The following CNOT4 variants were observed in gnomAD, a reference collection of about 807,000 sequenced individuals.
CNOT4 encodes the protein CCR4-associated factor 4.
In CNOT4, 8 loss-of-function variants were observed where a neutral mutation model predicts 73.8. That is an observed-to-expected ratio of 0.11 (90% CI 0.06 to 0.20). The LOEUF is 0.20. Among genes scored for constraint, CNOT4 ranks in the 10% least tolerant of loss-of-function variants. The pLI, the probability that CNOT4 is intolerant of heterozygous loss-of-function variation, is 1.00. For synonymous variants in CNOT4, 293 were observed against 321.1 expected, an observed-to-expected ratio of 0.91 and a Z score of 0.94; for missense variants, 564 against 883.4, an observed-to-expected ratio of 0.64 and a Z score of 4.58.
intron 1 of CNOT4, among the ~76,000 whole-genome samples, chr7:135,472,994 T>C (rs928579023): frequency 2.0e-5 from 3 of 151,660 alleles, no homozygotes; most frequent in African/African-American, 7.3e-5. Context: ...TGCGTTATGA[T>C]CATGCCACTA....
At chr7:135,422,383 G>A (rs377004665) in intron 2 of CNOT4, 30 bp from the exon 3 acceptor site, 32 of 1,015,042 alleles carry the variant, frequency 3.2e-5, no homozygotes, top group East Asian at 1.2e-4. Flanking sequence ...ATAGACGTTA[G>A]CATTAAATTA....
At chr7:135,400,359 G>A (rs1326689803) in intron 7 of CNOT4, among the ~76,000 whole-genome samples, 2 of 151,988 alleles carry the variant, frequency 1.3e-5, no homozygotes, top group East Asian at 1.9e-4. Flanking sequence ...GCGATAATCC[G>A]AGATAAACTT....
intron 3 of CNOT4, among the ~76,000 whole-genome samples, chr7:135,418,916 C>A (rs887567379): frequency 2.0e-4 from 30 of 152,282 alleles, no homozygotes; most frequent in African/African-American, 7.0e-4. Flanking sequence ...CACATTTAAG[C>A]ACTTAAAATT....
chr7:135,440,802 C>T (rs2129485462), intron 1 of CNOT4, among the ~76,000 whole-genome samples: 1 of 152,056 alleles, frequency 6.6e-6, no homozygotes. Context: ...GCCTGTATTC[C>T]CAGCTACTTG....
At chr7:135,507,614 A>T (rs1037842577) in intron 1 of CNOT4, among the ~76,000 whole-genome samples, 51 of 151,264 alleles carry the variant, frequency 3.4e-4, no homozygotes, top group Admixed American at 8.6e-4. Flanking sequence ...ACCTTTTTTT[A>T]AAAAAAAAGA....
chr7:135,445,017 A>G (rs1799733102), intron 1 of CNOT4: 5 of 814,398 alleles, frequency 6.1e-6, no homozygotes, highest in Admixed American at 5.4e-5. Flanking sequence ...TAAGGAAGAA[A>G]TAACAGATAA....
At chr7:135,369,730 C>T (rs1795096781) in intron 10 of CNOT4, among the ~76,000 whole-genome samples, 1 of 152,214 alleles carries the variant, frequency 6.6e-6, no homozygotes, top group Non-Finnish European at 1.5e-5. Context: ...CCTGTCTTAG[C>T]TCCTGCCCCC....
At chr7:135,448,884 G>A (rs548725615) in intron 1 of CNOT4, among the ~76,000 whole-genome samples, 10 of 152,054 alleles carry the variant, frequency 6.6e-5, no homozygotes, top group African/African-American at 2.4e-4. Context: ...AAGACAGATT[G>A]ATAGAGATGA....
intron 3 of CNOT4, among the ~76,000 whole-genome samples, chr7:135,418,566 G>A (rs944605724): frequency 1.3e-5 from 2 of 152,116 alleles, no homozygotes; most frequent in South Asian, 2.1e-4. Context: ...ATGAATGGAT[G>A]GATGAACAAC....
chr7:135,495,763 A>AAAGAAAGAAATT (rs1803527751), intron 1 of CNOT4, among the ~76,000 whole-genome samples: 2 of 141,268 alleles, frequency 1.4e-5, no homozygotes, highest in Non-Finnish European at 3.1e-5. Context: ...AGAAAGAAAG[A>AAAGAAAGAAATT]AATTTAAGAA....
chr7:135,457,306 A>C (rs1432540951), intron 1 of CNOT4, among the ~76,000 whole-genome samples: 1 of 152,002 alleles, frequency 6.6e-6, no homozygotes, highest in Non-Finnish European at 1.5e-5. Flanking sequence ...AGGGAAGGGA[A>C]GGAGACAAAG....
intron 1 of CNOT4, among the ~76,000 whole-genome samples, chr7:135,490,944 T>C (rs557442140): frequency 1.3e-5 from 2 of 152,200 alleles, no homozygotes; most frequent in Non-Finnish European, 2.9e-5. Context: ...GAATTCTGGA[T>C]ATGTTTTAAA....
intron 7 of CNOT4, among the ~76,000 whole-genome samples, chr7:135,399,562 T>C (rs773454847): frequency 6.6e-6 from 1 of 152,202 alleles, no homozygotes; most frequent in South Asian, 2.1e-4. Context: ...TACTGTGTTA[T>C]AGGAAAAAAA....
At chr7:135,480,624 T>C (rs1390490810) in intron 1 of CNOT4, among the ~76,000 whole-genome samples, 1 of 152,210 alleles carries the variant, frequency 6.6e-6, no homozygotes, top group Non-Finnish European at 1.5e-5. Context: ...TGGCATGACA[T>C]AGCTCATTGC....
chr7:135,458,607 T>C (rs1167314221), intron 1 of CNOT4, among the ~76,000 whole-genome samples: 1 of 152,110 alleles, frequency 6.6e-6, no homozygotes, highest in Non-Finnish European at 1.5e-5. Context: ...AATAAGTTTA[T>C]TAAATATTCT....
In CNOT4 at chr7:135,362,618, A is replaced by ATTTT; in HGVS notation, c.*263_*266dup. ...TTCTAAGTATTGAGACTGCCCTTTGATTTTTTTTTCTCTCCTTAAAAAGGC... is the reference window on the plus strand; with the variant it reads ...TTCTAAGTATTGAGACTGCCCTTTGATTTTTTTTTTTTTCTCTCCTTAAAAAGGC... On this transcript the variant is annotated 3_prime_UTR_variant, in exon 12 of 12. Transcript: ENST00000541284. 1 of 571,336 alleles carries ATTTT rather than the reference A, an allele frequency of 1.8e-6. No individual in the cohort carries two copies. Among genetic ancestry groups the ATTTT allele is most frequent in the Non-Finnish European group, 3.1e-6 (1 of 319,042 alleles). 35.4% of individuals were successfully genotyped at this position (571,336 alleles called of 1,614,324 possible).
At chr7:135,479,198 A>ATT (rs61487024) in intron 1 of CNOT4, among the ~76,000 whole-genome samples, 7,564 of 89,960 alleles carry the variant, frequency 0.084, 1,335 homozygotes, top group Non-Finnish European at 0.12. Context: ...TTAGAACCAA[A>ATT]TTTTTTTTTT....
intron 1 of CNOT4, among the ~76,000 whole-genome samples, chr7:135,446,620 A>G (rs1799848960): frequency 6.6e-6 from 1 of 152,140 alleles, no homozygotes; most frequent in Non-Finnish European, 1.5e-5. Context: ...ATACAGTTAC[A>G]CAGAAATAAT....
At chr7:135,494,277 C>T (rs1803309787) in intron 1 of CNOT4, among the ~76,000 whole-genome samples, 1 of 151,878 alleles carries the variant, frequency 6.6e-6, no homozygotes, top group African/African-American at 2.4e-5. Flanking sequence ...CAAGACCAGC[C>T]TGGCCAACAT....
Sources: allele counts gnomAD v4.1 joint callset (sites outside exome capture counted in the v4.1 genomes callset), GRCh38; gene constraint gnomAD v4.1.1; transcripts MANE v1.5; gene names NCBI Gene and HGNC (gene_info 2026-07-23, HGNC 2026-07-21).